Variants in DLGAP2 observed in about 807,000 individuals in gnomAD.
The protein encoded by DLGAP2 is disks large-associated protein 2.
DLGAP2 carries 26 observed loss-of-function variants against 100.3 expected under a neutral mutation model. The observed-to-expected ratio is 0.26, with a 90% confidence interval of 0.19 to 0.36. The LOEUF is 0.36. Ranked by LOEUF, DLGAP2 falls within the 10% of genes least tolerant of loss-of-function variation. The pLI, the probability that DLGAP2 is intolerant of heterozygous loss-of-function variation, is 1.00. For missense variants in DLGAP2, 1,858 were observed against 1,453.2 expected, an observed-to-expected ratio of 1.28 and a Z score of -4.53; for synonymous variants, 886 against 630.1, an observed-to-expected ratio of 1.41 and a Z score of -6.08.
chr8:1,302,965 C>T (rs111280256), intron 3 of DLGAP2, among the ~76,000 whole-genome samples: 4 of 152,338 alleles, frequency 2.6e-5, no homozygotes, highest in African/African-American at 9.6e-5. Flanking sequence ...GAGATTCCAT[C>T]GCCGCAGGAG....
At chr8:886,850 T>G (rs985143316) in intron 1 of DLGAP2, among the ~76,000 whole-genome samples, 3 of 152,218 alleles carry the variant, frequency 2.0e-5, no homozygotes, top group Admixed American at 6.5e-5. Flanking sequence ...TTCTGTTGAT[T>G]GGGGGTAGAG....
At chr8:1,187,397 CACGGA>C (rs1797529531) in intron 2 of DLGAP2, among the ~76,000 whole-genome samples, 1 of 143,166 alleles carries the variant, frequency 7.0e-6, no homozygotes, top group African/African-American at 2.7e-5. Context: ...ACGTTTCCCT[CACGGA>C]ATGTCACACG....
intron 3 of DLGAP2, among the ~76,000 whole-genome samples, chr8:1,267,036 G>A (rs1799467167): frequency 6.6e-6 from 1 of 151,778 alleles, no homozygotes; most frequent in African/African-American, 2.4e-5. Flanking sequence ...AAACCATCCT[G>A]GCTAACATGG....
chr8:1,572,301 G>T (rs1206346817), intron 6 of DLGAP2, among the ~76,000 whole-genome samples: 12 of 121,670 alleles, frequency 9.9e-5, no homozygotes, highest in East Asian at 2.9e-4. Flanking sequence ...GGGGGCATCT[G>T]ATGAGATGGA....
chr8:1,541,946 A>G (rs1329665588), intron 4 of DLGAP2, among the ~76,000 whole-genome samples: 1 of 152,248 alleles, frequency 6.6e-6, no homozygotes, highest in Non-Finnish European at 1.5e-5. Context: ...AAAGAGATGT[A>G]TATGACTGTC....
At position 1,217,888 on chromosome 8, in the gene DLGAP2, G is replaced by A. The variant is rs912894771; in HGVS notation, c.74-40963G>A. ...TTAGGATTTTTAAAATATGCTTGTT[G>A]CTTGCATGTATGTCTTCTTTTGAGA... On this transcript the variant is annotated intron_variant, in intron 2 of 14. Coordinates refer to ENST00000637795, the MANE Select transcript of DLGAP2 (RefSeq NM_001346810.2). 3.9e-5 allele frequency among the ~76,000 whole-genome samples: 6 copies of A among 152,078 alleles called. No individual in the cohort carries two copies. The East Asian group carries it at 1.2e-3, about 29-fold the overall frequency.
At chr8:1,315,071 AAAGAGGTTTTTTCAG>A (rs962826712) in intron 3 of DLGAP2, among the ~76,000 whole-genome samples, 13 of 152,258 alleles carry the variant, frequency 8.5e-5, no homozygotes, top group Admixed American at 7.8e-4. Context: ...CTTTTTTACA[AAAGAGGTTTTTTCAG>A]AAGCGGCGAC....
At chr8:1,443,761 G>T (rs796217361) in intron 3 of DLGAP2, among the ~76,000 whole-genome samples, 3 of 152,080 alleles carry the variant, frequency 2.0e-5, no homozygotes, top group South Asian at 4.1e-4. Context: ...AACTGCCCTC[G>T]TGATTCAATT....
intron 2 of DLGAP2, among the ~76,000 whole-genome samples, chr8:1,140,294 G>T (rs1457084252): frequency 7.0e-6 from 1 of 142,248 alleles, no homozygotes; most frequent in African/African-American, 2.5e-5. Context: ...TCCTTGGGAG[G>T]CTCTGGATGG....
intron 3 of DLGAP2, among the ~76,000 whole-genome samples, chr8:1,307,966 A>G (rs554941025): frequency 2.0e-5 from 3 of 152,092 alleles, no homozygotes; most frequent in African/African-American, 7.2e-5. Context: ...AATGTCCTTA[A>G]CACACCACAG....
chr8:1,577,816 C>G (rs371934733), intron 6 of DLGAP2, among the ~76,000 whole-genome samples: 1 of 152,146 alleles, frequency 6.6e-6, no homozygotes, highest in Non-Finnish European at 1.5e-5. Context: ...ACGGGCAGCA[C>G]TCAGCGTGGT....
At chr8:995,694 T>C (rs1800765239) in intron 2 of DLGAP2, among the ~76,000 whole-genome samples, 1 of 152,182 alleles carries the variant, frequency 6.6e-6, no homozygotes, top group African/African-American at 2.4e-5. Flanking sequence ...TCAGCATGGG[T>C]TGTTTACAAG....
chr8:1,113,673 C>A (rs1481631668), intron 2 of DLGAP2, among the ~76,000 whole-genome samples: 2 of 152,054 alleles, frequency 1.3e-5, no homozygotes, highest in Non-Finnish European at 2.9e-5. Flanking sequence ...TCTCTTTCTG[C>A]TTGGATGCCC....
chr8:1,519,288 A>T (rs552138132), intron 4 of DLGAP2, among the ~76,000 whole-genome samples: 9 of 144,456 alleles, frequency 6.2e-5, no homozygotes, highest in Non-Finnish European at 1.2e-4. Context: ...CAAAAAGCAT[A>T]GAACCCTTGT....
intron 2 of DLGAP2, among the ~76,000 whole-genome samples, chr8:952,523 A>C (rs747552361): frequency 1.3e-5 from 2 of 152,002 alleles, no homozygotes; most frequent in African/African-American, 4.8e-5. Context: ...TATAATCCCA[A>C]CTACTCAGGA....
At chr8:1,211,166 G>A (rs1399999208) in intron 2 of DLGAP2, among the ~76,000 whole-genome samples, 1 of 152,232 alleles carries the variant, frequency 6.6e-6, no homozygotes, top group Non-Finnish European at 1.5e-5. Context: ...TGAACAGGCT[G>A]CGTTCAGCAC....
intron 2 of DLGAP2, among the ~76,000 whole-genome samples, chr8:921,665 C>A (rs1021243906): frequency 6.6e-6 from 1 of 152,244 alleles, no homozygotes; most frequent in African/African-American, 2.4e-5. Flanking sequence ...AGATGCTGTT[C>A]TGTACCTGTC....
chr8:1,050,712 C>T (rs930523576), intron 2 of DLGAP2, among the ~76,000 whole-genome samples: 3 of 152,190 alleles, frequency 2.0e-5, no homozygotes, highest in Non-Finnish European at 2.9e-5. Flanking sequence ...ACACACGTAA[C>T]ACATTTTAAA....
chr8:1,509,030 A>G (rs775034095), intron 4 of DLGAP2, among the ~76,000 whole-genome samples: 8 of 152,342 alleles, frequency 5.3e-5, no homozygotes, highest in African/African-American at 9.6e-5. Flanking sequence ...AAACAAAAAT[A>G]CAACAGAGAA....
Sources: gnomAD v4.1 joint callset for allele counts (sites outside exome capture counted in the v4.1 genomes callset) on GRCh38, gnomAD v4.1.1 for gene constraint, MANE v1.5 for transcripts, NCBI Gene and HGNC (gene_info 2026-07-23, HGNC 2026-07-21) for gene names.